CLVS1: variants seen among roughly 807,000 people sequenced by gnomAD.
The protein encoded by CLVS1 is clavesin-1.
Under a neutral mutation model 33.1 loss-of-function variants are expected in CLVS1, and 10 were observed. The ratio of observed to expected loss-of-function variants is 0.30; its 90% confidence interval spans 0.19 to 0.51. The LOEUF is 0.51. CLVS1 is among the 20% of genes least tolerant of loss of function. The probability of loss-of-function intolerance (pLI) is 0.97; values close to 1 mark genes in which losing one functional copy is unlikely to be tolerated. For missense variants in CLVS1, 343 were observed against 433.4 expected (o/e 0.79, Z 1.85); for synonymous variants, 163 against 166.1 (o/e 0.98, Z 0.14).
chr8:61,322,258 A>T (rs1811218854), intron 2 of CLVS1, among the ~76,000 whole-genome samples: 1 of 152,178 alleles, frequency 6.6e-6, no homozygotes, highest in South Asian at 2.1e-4. Flanking sequence ...TTCTTCTCTA[A>T]TATTCATTAC....
chr8:61,499,577 C>T lies in CLVS1; in HGVS notation c.*35C>T, dbSNP rs772630853. 1.3e-6 allele frequency: 2 copies of T among 1,538,914 alleles called. No homozygotes were observed. The highest frequency in any genetic ancestry group is 1.8e-6 in the Non-Finnish European group (2 of 1,111,978). On this transcript the variant is annotated 3_prime_UTR_variant, in exon 6 of 6. Transcript: ENST00000325897. Reference sequence around the variant, plus strand: ...CACCCCAATGCTCCTGCACACTGGCCTTCAGTGGTATCAGCCACCCAGGAA... The same window carrying T: ...CACCCCAATGCTCCTGCACACTGGCTTTCAGTGGTATCAGCCACCCAGGAA...
At chr8:61,162,402 C>G (rs1236653187) in intron 2 of CLVS1, among the ~76,000 whole-genome samples, 1 of 152,182 alleles carries the variant, frequency 6.6e-6, no homozygotes, top group Non-Finnish European at 1.5e-5. Context: ...ATAGATTTGG[C>G]ATAGCTGGCA....
chr8:60,984,365 G>A, the CLVS1 span, among the ~76,000 whole-genome samples: 3 of 148,042 alleles, frequency 2.0e-5, no homozygotes, highest in Non-Finnish European at 4.4e-5. Flanking sequence ...TTGTCACCCA[G>A]GCTGGAGTGC....
At chr8:60,996,526 G>A in the CLVS1 span, among the ~76,000 whole-genome samples, 1 of 152,194 alleles carries the variant, frequency 6.6e-6, no homozygotes, top group South Asian at 2.1e-4. Context: ...TTCTCTTTTA[G>A]CTGGATCATT....
the CLVS1 span, among the ~76,000 whole-genome samples, chr8:61,040,140 C>T: frequency 6.6e-6 from 1 of 152,208 alleles, no homozygotes; most frequent in Non-Finnish European, 1.5e-5. Flanking sequence ...TCATGACCTC[C>T]AGCTACATCC....
At chr8:61,240,037 T>G (rs1198235994) in intron 2 of CLVS1, among the ~76,000 whole-genome samples, 1 of 152,144 alleles carries the variant, frequency 6.6e-6, no homozygotes, top group Non-Finnish European at 1.5e-5. Context: ...CTTATACAAC[T>G]GGGATTTGTT....
chr8:61,367,378 C>A (rs879427908), intron 2 of CLVS1, among the ~76,000 whole-genome samples: 1 of 152,200 alleles, frequency 6.6e-6, no homozygotes, highest in African/African-American at 2.4e-5. Context: ...GGTGTCTACA[C>A]GCTAAGCTCT....
At chr8:61,358,501 C>T (rs1812840421) in intron 2 of CLVS1, among the ~76,000 whole-genome samples, 1 of 152,222 alleles carries the variant, frequency 6.6e-6, no homozygotes, top group African/African-American at 2.4e-5. Flanking sequence ...GTAAGTCCCA[C>T]ATTTGATCAG....
At chr8:61,051,618 C>A in the CLVS1 span, among the ~76,000 whole-genome samples, 1 of 152,250 alleles carries the variant, frequency 6.6e-6, no homozygotes, top group Non-Finnish European at 1.5e-5. Context: ...GCCCCACATC[C>A]GCAAAGAGCT....
At chr8:61,018,141 A>G in the CLVS1 span, among the ~76,000 whole-genome samples, 1 of 152,176 alleles carries the variant, frequency 6.6e-6, no homozygotes, top group African/African-American at 2.4e-5. Context: ...TAACGTATGC[A>G]TTATCACCCC....
the CLVS1 span, among the ~76,000 whole-genome samples, chr8:60,969,732 C>T: frequency 6.6e-6 from 1 of 151,928 alleles, no homozygotes; most frequent in Non-Finnish European, 1.5e-5. Context: ...AGTCAGCCCT[C>T]CCTGTCCATG....
At chr8:61,008,740 C>A in the CLVS1 span, among the ~76,000 whole-genome samples, 11 of 152,080 alleles carry the variant, frequency 7.2e-5, no homozygotes, top group South Asian at 2.3e-3. Flanking sequence ...GCTGAGTTAC[C>A]CTGCAAAAAT....
intron 2 of CLVS1, among the ~76,000 whole-genome samples, chr8:61,231,286 GCACACACACA>G (rs4033613): frequency 1.5e-4 from 22 of 150,078 alleles, no homozygotes; most frequent in Non-Finnish European, 2.5e-4. Flanking sequence ...ACCTGTGCTT[GCACACACACA>G]CACACACACA....
intron 5 of CLVS1, among the ~76,000 whole-genome samples, chr8:61,496,813 A>G (rs896220019): frequency 3.9e-5 from 6 of 152,194 alleles, no homozygotes; most frequent in African/African-American, 1.4e-4. Context: ...GGTGGAAGGA[A>G]CACTCGATGT....
intron 1 of CLVS1, among the ~76,000 whole-genome samples, chr8:61,091,184 G>C (rs773642504): frequency 3.9e-5 from 6 of 152,208 alleles, no homozygotes; most frequent in Admixed American, 6.5e-5. Context: ...CAGAGGAGAA[G>C]GCCATGCAAA....
chr8:61,222,686 C>G (rs1808241458), intron 2 of CLVS1, among the ~76,000 whole-genome samples: 1 of 152,128 alleles, frequency 6.6e-6, no homozygotes, highest in Admixed American at 6.5e-5. Flanking sequence ...TAGACATCTA[C>G]TAGGTCCACT....
chr8:61,413,203 T>G (rs1815300687), intron 3 of CLVS1, among the ~76,000 whole-genome samples: 1 of 152,204 alleles, frequency 6.6e-6, no homozygotes, highest in Admixed American at 6.5e-5. Context: ...TGAGTTCTAT[T>G]TGAAACCCCT....
chr8:61,147,779 T>C (rs1193687087), intron 2 of CLVS1, among the ~76,000 whole-genome samples: 1 of 152,184 alleles, frequency 6.6e-6, no homozygotes, highest in African/African-American at 2.4e-5. Flanking sequence ...CTTATAAAAG[T>C]GAGTCTGTTA....
intron 1 of CLVS1, among the ~76,000 whole-genome samples, chr8:61,122,126 G>T (rs1805882967): frequency 6.6e-6 from 1 of 152,140 alleles, no homozygotes; most frequent in Admixed American, 6.6e-5. Flanking sequence ...GGATCTGTTG[G>T]TAGACACAAC....
Sources: gnomAD v4.1 joint callset for allele counts (sites outside exome capture counted in the v4.1 genomes callset) on GRCh38, gnomAD v4.1.1 for gene constraint, MANE v1.5 for transcripts, NCBI Gene and HGNC (gene_info 2026-07-23, HGNC 2026-07-21) for gene names.